The following BMAL1 variants were observed in gnomAD, a reference collection of about 807,000 sequenced individuals.
BMAL1 encodes the protein basic helix-loop-helix ARNT like 1, also known as basic helix-loop-helix ARNT-like protein 1.
chr11:13,370,805 C>A, the BMAL1 span, among the ~76,000 whole-genome samples: 1 of 152,094 alleles, frequency 6.6e-6, no homozygotes, highest in Non-Finnish European at 1.5e-5. Context: ...TGAAGAAAAG[C>A]TCAAAATATT....
the BMAL1 span, among the ~76,000 whole-genome samples, chr11:13,325,248 G>A: frequency 1.3e-5 from 2 of 152,146 alleles, no homozygotes; most frequent in African/African-American, 4.8e-5. Context: ...CTGCTGCTCC[G>A]CAGCCTCCCC....
chr11:13,354,209 CACCAA>C, the BMAL1 span: 1 of 1,013,916 alleles, frequency 9.9e-7, no homozygotes, highest in Admixed American at 2.8e-5. Flanking sequence ...GGCCCCCCAC[CACCAA>C]ACCCCCAAGC....
At chr11:13,312,225 A>T in the BMAL1 span, among the ~76,000 whole-genome samples, 2 of 152,220 alleles carry the variant, frequency 1.3e-5, no homozygotes, top group Non-Finnish European at 2.9e-5. Context: ...GGGAATTATT[A>T]ATAGTATTCT....
chr11:13,372,474 C>G, the BMAL1 span: 1 of 1,588,144 alleles, frequency 6.3e-7, no homozygotes, highest in Non-Finnish European at 8.6e-7. Flanking sequence ...ATCTAAAAAG[C>G]AGAGAAGACT....
the BMAL1 span, among the ~76,000 whole-genome samples, chr11:13,280,668 G>A: frequency 1.3e-5 from 2 of 152,186 alleles, no homozygotes; most frequent in East Asian, 3.8e-4. Context: ...ACACAGGCAT[G>A]TTATCCTTCT....
At chr11:13,315,167 G>T in the BMAL1 span, among the ~76,000 whole-genome samples, 1 of 152,308 alleles carries the variant, frequency 6.6e-6, no homozygotes, top group East Asian at 1.9e-4. Flanking sequence ...CAGGCTCTTG[G>T]AACTGCTTTC....
the BMAL1 span, chr11:13,357,036 T>C: frequency 6.2e-7 from 1 of 1,614,246 alleles, no homozygotes; most frequent in Non-Finnish European, 8.5e-7. The surrounding 1 kb of genome is among the most constrained non-coding windows in gnomAD (Gnocchi z 4.8). Context: ...TTTTATCTTT[T>C]GCTTTTTCCT....
the BMAL1 span, among the ~76,000 whole-genome samples, chr11:13,300,095 G>A: frequency 6.6e-6 from 1 of 152,132 alleles, no homozygotes; most frequent in Non-Finnish European, 1.5e-5. Context: ...CCTTTCCCCT[G>A]CACTATGGCC....
At chr11:13,296,795 G>T in the BMAL1 span, among the ~76,000 whole-genome samples, 4 of 152,204 alleles carry the variant, frequency 2.6e-5, no homozygotes, top group Non-Finnish European at 5.9e-5. Context: ...ACTGTAATCA[G>T]CATGTAAAGG....
At chr11:13,373,945 A>G in the BMAL1 span, 2 of 631,392 alleles carry the variant, frequency 3.2e-6, no homozygotes. Context: ...AAAGATCCAC[A>G]CAGTGAGCCC....
chr11:13,279,975 G>A, the BMAL1 span, among the ~76,000 whole-genome samples: 16 of 152,194 alleles, frequency 1.1e-4, no homozygotes, highest in Non-Finnish European at 2.1e-4. Flanking sequence ...TCTCATGGCC[G>A]TTCCAGTCGG....
the BMAL1 span, chr11:13,379,273 G>A: frequency 6.6e-6 from 1 of 152,182 alleles, no homozygotes; most frequent in Non-Finnish European, 1.5e-5. Flanking sequence ...GAATAGAGAA[G>A]GTGGTAACCA....
the BMAL1 span, chr11:13,381,139 G>A: frequency 1.2e-6 from 2 of 1,610,444 alleles, no homozygotes; most frequent in Non-Finnish European, 1.7e-6. Flanking sequence ...AGAAAAGGCA[G>A]TGTAATTCTC....
At chr11:13,328,824 T>A in the BMAL1 span, among the ~76,000 whole-genome samples, 1 of 152,242 alleles carries the variant, frequency 6.6e-6, no homozygotes, top group East Asian at 1.9e-4. Flanking sequence ...TACCTGGTTT[T>A]GAATTCCACT....
chr11:13,365,320 CAA>C, the BMAL1 span: 1 of 481,414 alleles, frequency 2.1e-6, no homozygotes, highest in East Asian at 3.9e-5. Flanking sequence ...CACACACACA[CAA>C]TCTTACAGTT....
chr11:13,288,688 T>C, the BMAL1 span, among the ~76,000 whole-genome samples: 1 of 152,086 alleles, frequency 6.6e-6, no homozygotes, highest in Non-Finnish European at 1.5e-5. Context: ...TCCAGTTGGA[T>C]TGGAGCAATG....
chr11:13,362,632 A>T, the BMAL1 span, among the ~76,000 whole-genome samples: 1 of 151,938 alleles, frequency 6.6e-6, no homozygotes, highest in Non-Finnish European at 1.5e-5. Context: ...TTTGGCTACC[A>T]CTCTCAGGAC....
the BMAL1 span, chr11:13,276,906 G>A: frequency 6.6e-6 from 1 of 152,252 alleles, no homozygotes; most frequent in African/African-American, 2.4e-5. Context: ...GCTTTTTGCA[G>A]CAGAGAGCGC....
the BMAL1 span, chr11:13,356,938 C>T: frequency 4.4e-6 from 7 of 1,587,472 alleles, no homozygotes; most frequent in Admixed American, 8.9e-5. Context: ...AACCCCCAGT[C>T]CCCTTGTGTG....
Sources: allele counts gnomAD v4.1 joint callset (sites outside exome capture counted in the v4.1 genomes callset), GRCh38; gene constraint gnomAD v4.1.1; non-coding constraint Gnocchi (gnomAD v3.1); transcripts MANE v1.5; gene names NCBI Gene and HGNC (gene_info 2026-07-23, HGNC 2026-07-21).